Variants in ERC2 observed in about 807,000 individuals in gnomAD.
ERC2 encodes the protein ELKS/RAB6-interacting/CAST family member 2.
Under a neutral mutation model 114.8 loss-of-function variants are expected in ERC2, and 42 were observed. The ratio of observed to expected loss-of-function variants is 0.37; its 90% confidence interval spans 0.29 to 0.47. The LOEUF is 0.47. ERC2 is among the 20% of genes least tolerant of loss of function. The pLI, the probability that ERC2 is intolerant of heterozygous loss-of-function variation, is 0.99. For missense variants in ERC2, 939 were observed against 1,150.7 expected, an observed-to-expected ratio of 0.82 and a Z score of 2.66; for synonymous variants, 454 against 425.5, an observed-to-expected ratio of 1.07 and a Z score of -0.82.
chr3:55,605,222 C>T (rs1384426907), intron 17 of ERC2, among the ~76,000 whole-genome samples: 3 of 151,878 alleles, frequency 2.0e-5, no homozygotes, highest in Admixed American at 2.0e-4. Context: ...CTCAAGGGAT[C>T]CTACAGACTC....
chr3:55,725,626 C>A (rs994927701), intron 15 of ERC2, among the ~76,000 whole-genome samples: 1 of 152,056 alleles, frequency 6.6e-6, no homozygotes, highest in Non-Finnish European at 1.5e-5. Flanking sequence ...CTCCTATAGC[C>A]AAAGAGTGCC....
chr3:55,732,684 A>T lies in ERC2; in HGVS notation c.2712+2087T>A, dbSNP rs554002086. 5.1e-4 allele frequency among the ~76,000 whole-genome samples: 78 copies of T among 152,338 alleles called. 1 individual carries two copies. Among genetic ancestry groups the T allele is most frequent in the African/African-American group, 1.9e-3 (77 of 41,580 alleles). The stretch of plus-strand genomic sequence containing the variant: ...GAGGAGCAAAGTATCTAAGAGAAAG[A>T]AAGGAAAAATTATCCATTCTGCCTG... On this transcript the variant is annotated intron_variant, in intron 15 of 17. Coordinates refer to ENST00000288221, the MANE Select transcript of ERC2 (RefSeq NM_015576.3).
chr3:55,746,505 G>A (rs2066316593), intron 14 of ERC2, among the ~76,000 whole-genome samples: 1 of 152,102 alleles, frequency 6.6e-6, no homozygotes, highest in African/African-American at 2.4e-5. Context: ...GCCTCCCAAA[G>A]TGCTGAGATT....
rs1035764795 is a variant in ERC2 at position 55,997,110 on chromosome 3, T to C, written c.2062-4860A>G. On this transcript the variant is annotated intron_variant, in intron 10 of 17. Transcript: ENST00000288221. ...TTCAATTATTACATTATATAACACG[T>C]TCCCTTTGAAATAAACCCTACCAAT... is the stretch of plus-strand genomic sequence containing the variant. 5.3e-5 allele frequency among the ~76,000 whole-genome samples: 8 copies of C among 152,300 alleles called. No individual in the cohort carries two copies. In the South Asian group the frequency reaches 1.2e-3, roughly 24 times the overall value.
chr3:56,305,650 C>T (rs1053139910), intron 2 of ERC2, among the ~76,000 whole-genome samples: 2 of 152,128 alleles, frequency 1.3e-5, no homozygotes, highest in Admixed American at 6.5e-5. Flanking sequence ...AGCTGCTGCA[C>T]GTAAACTAGT....
At chr3:55,816,181 A>C (rs556553492) in intron 14 of ERC2, among the ~76,000 whole-genome samples, 1 of 152,348 alleles carries the variant, frequency 6.6e-6, no homozygotes, top group South Asian at 2.1e-4. Context: ...CTCAACAGTG[A>C]ATCCCAAATG....
chr3:55,930,044 G>C (rs1014647418), intron 13 of ERC2, among the ~76,000 whole-genome samples: 5 of 152,168 alleles, frequency 3.3e-5, no homozygotes, highest in Admixed American at 1.3e-4. Flanking sequence ...TTCGAGACCA[G>C]CCTGGCCAAC....
chr3:56,350,553 G>GAT (rs200599701), intron 2 of ERC2, among the ~76,000 whole-genome samples: 3,707 of 143,286 alleles, frequency 0.026, 126 homozygotes, highest in East Asian at 0.14. Context: ...AAAAGAAGAG[G>GAT]ATATATATAT....
intron 14 of ERC2, among the ~76,000 whole-genome samples, chr3:55,780,040 T>G (rs935030070): frequency 6.6e-6 from 1 of 152,148 alleles, no homozygotes; most frequent in Non-Finnish European, 1.5e-5. Flanking sequence ...TAAGAGCATA[T>G]CTCTTTAATA....
At chr3:55,784,195 T>A (rs2069290728) in intron 14 of ERC2, among the ~76,000 whole-genome samples, 1 of 152,206 alleles carries the variant, frequency 6.6e-6, no homozygotes, top group South Asian at 2.1e-4. Flanking sequence ...TTGTTTTGCT[T>A]TACAAAACCT....
At chr3:55,623,777 A>G (rs751134184) in intron 17 of ERC2, among the ~76,000 whole-genome samples, 4 of 152,228 alleles carry the variant, frequency 2.6e-5, no homozygotes, top group Non-Finnish European at 5.9e-5. Context: ...AGGGTCCTGC[A>G]TCAGGAATAA....
intron 6 of ERC2, 37 bp from the exon 7 acceptor site, chr3:56,081,021 C>G (rs368169315): frequency 6.2e-7 from 1 of 1,602,658 alleles, no homozygotes; most frequent in Non-Finnish European, 8.5e-7. Flanking sequence ...TGTGGTTTTA[C>G]AGAAAGGTCA....
At chr3:55,835,923 A>G (rs1248341472) in intron 14 of ERC2, among the ~76,000 whole-genome samples, 2 of 151,746 alleles carry the variant, frequency 1.3e-5, no homozygotes, top group Admixed American at 1.3e-4. Context: ...TACAAAATCA[A>G]TGTACAAAAA....
intron 17 of ERC2, among the ~76,000 whole-genome samples, chr3:55,631,814 C>T (rs904743810): frequency 1.3e-5 from 2 of 152,212 alleles, no homozygotes; most frequent in Admixed American, 6.5e-5. Context: ...CAAAGAGCAA[C>T]AATAACAATT....
intron 13 of ERC2, among the ~76,000 whole-genome samples, chr3:55,907,073 C>G (rs539246125): frequency 3.2e-4 from 49 of 152,182 alleles, no homozygotes; most frequent in Non-Finnish European, 5.1e-4. Context: ...CACCCAACAC[C>G]TAGCACACAG....
At chr3:56,234,646 T>C (rs2050828535) in intron 3 of ERC2, among the ~76,000 whole-genome samples, 1 of 152,216 alleles carries the variant, frequency 6.6e-6, no homozygotes, top group Admixed American at 6.5e-5. Context: ...GAAATTTATT[T>C]ATCCTGGTTC....
chr3:56,032,975 A>AAGAAAGAC (rs1560057272), intron 7 of ERC2, among the ~76,000 whole-genome samples: 3 of 71,340 alleles, frequency 4.2e-5, no homozygotes, highest in African/African-American at 1.3e-4. Context: ...GAAAGAAAGA[A>AAGAAAGAC]AGAGAAAGAA....
chr3:55,557,106 G>T (rs575030186), intron 17 of ERC2, among the ~76,000 whole-genome samples: 2 of 152,294 alleles, frequency 1.3e-5, no homozygotes, highest in African/African-American at 4.8e-5. Context: ...AAAAAGTTCT[G>T]CTGACACACA....
chr3:56,238,017 C>T (rs998499808), intron 3 of ERC2, among the ~76,000 whole-genome samples: 1 of 152,018 alleles, frequency 6.6e-6, no homozygotes, highest in Non-Finnish European at 1.5e-5. Context: ...CATAATGTTG[C>T]CCAAGCTCCT....
Sources: allele counts gnomAD v4.1 joint callset (sites outside exome capture counted in the v4.1 genomes callset), GRCh38; gene constraint gnomAD v4.1.1; transcripts MANE v1.5; gene names NCBI Gene and HGNC (gene_info 2026-07-23, HGNC 2026-07-21).